CTH: variants seen among roughly 807,000 people sequenced by gnomAD.
CTH encodes cystathionine gamma-lyase, also known as cystathionase (cystathionine gamma-lyase).
CTH carries 41 observed loss-of-function variants against 50.6 expected under a neutral mutation model. That is an observed-to-expected ratio of 0.81 (90% confidence interval 0.63 to 1.05). The LOEUF (loss-of-function observed/expected upper bound fraction) is 1.05, where lower values mean the gene tolerates loss of function less well. CTH is among the 50% of genes least tolerant of loss of function. CTH has a pLI of 0.00. For synonymous variants in CTH, 156 were observed against 168.9 expected (o/e 0.92, Z 0.59); for missense variants, 470 against 492.6 (o/e 0.95, Z 0.43).
At position 70,439,375 on chromosome 1, in the gene CTH, A is replaced by AG; in HGVS notation, c.*250dup. 1 of 507,692 alleles carries AG rather than the reference A, an allele frequency of 2.0e-6. No homozygotes were observed. Among genetic ancestry groups the AG allele is most frequent in the East Asian group, 3.2e-5 (1 of 31,092 alleles). The allele number at this position is 507,692 out of a possible 1,614,324, so 31.4% of individuals were successfully genotyped here. A position where few individuals can be genotyped will look rare whatever the true frequency, so the allele number is the denominator to read the frequency against. On this transcript the variant is annotated 3_prime_UTR_variant, in exon 12 of 12. Coordinates refer to ENST00000370938, the MANE Select transcript of CTH (RefSeq NM_001902.6). ...TTTGCTCTATGTTTGCCTCTGAAGGAGGTGAGATTTGTGCTACTTTGGGAG... is the reference window on the plus strand; with the variant it reads ...TTTGCTCTATGTTTGCCTCTGAAGGAGGGTGAGATTTGTGCTACTTTGGGAG...
chr1:70,421,702 C>G, intron 4 of CTH, 27 bp downstream of exon 4: 2 of 1,605,692 alleles, frequency 1.2e-6, no homozygotes, highest in African/African-American at 2.7e-5. Context: ...TCAGTTTTGC[C>G]TGTTTTTCCT....
chr1:70,429,169 G>A (rs1684411431), intron 5 of CTH, among the ~76,000 whole-genome samples: 1 of 152,056 alleles, frequency 6.6e-6, no homozygotes, highest in Non-Finnish European at 1.5e-5. Context: ...AGGAACTAAT[G>A]ACAAGAAAAA....
At chr1:70,437,390 T>A (rs923562024) in intron 10 of CTH, among the ~76,000 whole-genome samples, 3 of 152,190 alleles carry the variant, frequency 2.0e-5, no homozygotes, top group Admixed American at 2.0e-4. Flanking sequence ...AAGACAGGTG[T>A]TATATCCAAT....
chr1:70,425,532 A>G (rs1684329018), intron 5 of CTH, among the ~76,000 whole-genome samples: 1 of 152,220 alleles, frequency 6.6e-6, no homozygotes. Context: ...ACTGCTATAA[A>G]GAAATAATCC....
intron 3 of CTH, among the ~76,000 whole-genome samples, chr1:70,420,933 T>TTTG (rs925490124): frequency 4.6e-5 from 7 of 152,058 alleles, no homozygotes; most frequent in Admixed American, 2.6e-4. Flanking sequence ...AGAATATTCT[T>TTTG]TTGTTGTTGT....
At chr1:70,434,198 AT>A (rs913173575) in intron 9 of CTH, among the ~76,000 whole-genome samples, 3 of 152,262 alleles carry the variant, frequency 2.0e-5, no homozygotes, top group African/African-American at 7.2e-5. Context: ...TAATGCATTT[AT>A]TTAAAAGTGA....
intron 10 of CTH, among the ~76,000 whole-genome samples, chr1:70,437,990 C>T (rs1209711190): frequency 6.6e-6 from 1 of 152,204 alleles, no homozygotes; most frequent in Non-Finnish European, 1.5e-5. Context: ...ATTGTCATCG[C>T]TTTTACCTCC....
chr1:70,421,909 T>C (rs1406685044), intron 4 of CTH, among the ~76,000 whole-genome samples: 5 of 152,196 alleles, frequency 3.3e-5, no homozygotes, highest in African/African-American at 1.2e-4. Flanking sequence ...TAGTATATTA[T>C]CTTGGGCAAA....
intron 10 of CTH, among the ~76,000 whole-genome samples, 193 bp from the exon 11 acceptor site, chr1:70,438,495 C>T (rs569039163): frequency 4.1e-4 from 62 of 152,270 alleles, no homozygotes; most frequent in African/African-American, 1.3e-3. Flanking sequence ...AACAATCTTG[C>T]TTTTCATTTA....
intron 10 of CTH, among the ~76,000 whole-genome samples, chr1:70,436,304 G>A (rs1684597468): frequency 6.6e-6 from 1 of 152,072 alleles, no homozygotes; most frequent in African/African-American, 2.4e-5. Flanking sequence ...CTCCAGCCTG[G>A]GTGATGCAGC....
At chr1:70,424,080 C>A (rs1367002835) in intron 4 of CTH, among the ~76,000 whole-genome samples, 1 of 152,012 alleles carries the variant, frequency 6.6e-6, no homozygotes, top group Non-Finnish European at 1.5e-5. Context: ...ATTACCAACC[C>A]AATTATACAG....
At position 70,438,724 on chromosome 1, in the gene CTH, C is replaced by A. The variant is rs762148181; in HGVS notation, c.1089C>A (p.Asp363Glu). Residue 363 changes from aspartate to glutamate, a missense_variant, in exon 11 of 12, where the codon GAC (aspartate) becomes GAA (glutamate). Coordinates refer to ENST00000370938, the MANE Select transcript of CTH (RefSeq NM_001902.6). ...CTCATGCATCAGTTCTTAAGAATGA[C>A]AGAGATGTCCTTGGAATTAGTGACA... ...IMTHASVLKN[D>E]RDVLGISDTL... 7.4e-6 allele frequency: 12 copies of A among 1,613,892 alleles called. No individual in the cohort carries two copies. Among genetic ancestry groups the A allele is most frequent in the Non-Finnish European group, 1.0e-5 (12 of 1,180,018 alleles).
intron 8 of CTH, among the ~76,000 whole-genome samples, chr1:70,432,708 C>T (rs1175913695): frequency 2.0e-5 from 2 of 102,060 alleles, no homozygotes; most frequent in South Asian, 3.0e-4. Flanking sequence ...TTTTTTGAGA[C>T]GGAGTTTCAC....
Position 70,433,794 on chromosome 1 carries a change from C to T in CTH, c.878-34C>T, listed in dbSNP as rs1684534397. 3.7e-6 allele frequency: 6 copies of T among 1,607,784 alleles called. No individual in the cohort carries two copies. In the African/African-American group the frequency reaches 6.7e-5, roughly 18 times the overall value. Reference sequence around the variant, plus strand: ...CCCCCCAAAAATTACATGTTTAATTCTAAAATAAGACTTATGATACCTTAT... The same window carrying T: ...CCCCCCAAAAATTACATGTTTAATTTTAAAATAAGACTTATGATACCTTAT... On this transcript the variant is annotated intron_variant, in intron 8 of 11. Coordinates refer to ENST00000370938, the MANE Select transcript of CTH (RefSeq NM_001902.6).
intron 1 of CTH, among the ~76,000 whole-genome samples, chr1:70,415,311 G>A (rs1056780018): frequency 6.6e-6 from 1 of 152,026 alleles, no homozygotes; most frequent in Non-Finnish European, 1.5e-5. Flanking sequence ...GGCTGAGATC[G>A]GAGGATTGCT....
chr1:70,438,632 A>G, intron 10 of CTH, 56 bp from the exon 11 acceptor site: 2 of 1,600,394 alleles, frequency 1.2e-6, no homozygotes, highest in East Asian at 2.2e-5. Flanking sequence ...TGAGACAGAA[A>G]CATGCCTCCA....
chr1:70,415,610 G>A (rs1158294565), intron 1 of CTH, among the ~76,000 whole-genome samples: 2 of 152,206 alleles, frequency 1.3e-5, no homozygotes. Flanking sequence ...AACATGTAGT[G>A]AATTTGTGCA....
At chr1:70,417,885 G>T in intron 2 of CTH, 52 bp from the exon 3 acceptor site, 2 of 1,603,174 alleles carry the variant, frequency 1.2e-6, no homozygotes, top group Non-Finnish European at 1.7e-6. Flanking sequence ...GAGGTGTGTT[G>T]TAACCTATAG....
At chr1:70,434,570 A>G (rs1684551969) in intron 9 of CTH, among the ~76,000 whole-genome samples, 1 of 151,684 alleles carries the variant, frequency 6.6e-6, no homozygotes. Flanking sequence ...GTTTTATGAC[A>G]CTATCACACT....
Sources: allele counts gnomAD v4.1 joint callset (sites outside exome capture counted in the v4.1 genomes callset), GRCh38; gene constraint gnomAD v4.1.1; transcripts MANE v1.5; gene names NCBI Gene and HGNC (gene_info 2026-07-23, HGNC 2026-07-21).